Variants in ELMO1 observed in about 807,000 individuals in gnomAD.
ELMO1 encodes engulfment and cell motility protein 1.
A neutral mutation model predicts 98.9 loss-of-function variants in ELMO1; 26 were observed. The observed-to-expected ratio is 0.26, with a 90% CI of 0.19 to 0.36. The LOEUF is 0.36. ELMO1 is among the 10% of genes least tolerant of loss of function. The pLI is 1.00. For missense variants in ELMO1, 627 were observed against 935.2 expected, an observed-to-expected ratio of 0.67 and a Z score of 4.30; for synonymous variants, 346 against 346.0, an observed-to-expected ratio of 1.00 and a Z score of 0.00.
At chr7:36,945,029 C>T (rs1219687593) in intron 16 of ELMO1, among the ~76,000 whole-genome samples, 1 of 152,176 alleles carries the variant, frequency 6.6e-6, no homozygotes, top group Non-Finnish European at 1.5e-5. Context: ...CTCACGGCAG[C>T]TTTGCTCTAC....
chr7:36,990,643 T>G (rs1171430388), intron 16 of ELMO1, among the ~76,000 whole-genome samples: 1 of 152,132 alleles, frequency 6.6e-6, no homozygotes, highest in Non-Finnish European at 1.5e-5. Context: ...TATCCCATAT[T>G]GTCTTGGGGC....
At chr7:37,397,343 T>C (rs952238072) in intron 1 of ELMO1, among the ~76,000 whole-genome samples, 2 of 152,248 alleles carry the variant, frequency 1.3e-5, no homozygotes, top group Non-Finnish European at 2.9e-5. Context: ...CTCAAAGGTT[T>C]GACAGAAAAT....
intron 16 of ELMO1, among the ~76,000 whole-genome samples, chr7:36,914,008 C>T (rs903296264): frequency 3.3e-5 from 5 of 152,182 alleles, no homozygotes; most frequent in Middle Eastern, 3.2e-3. Context: ...TGCACATGCA[C>T]GTTTTTCTAC....
intron 1 of ELMO1, among the ~76,000 whole-genome samples, chr7:37,407,619 C>A (rs1035637963): frequency 1.3e-5 from 2 of 151,786 alleles, no homozygotes; most frequent in Middle Eastern, 3.2e-3. Flanking sequence ...CTGGAAAAGG[C>A]AAAACTATAG....
chr7:37,104,470 T>C (rs944631055), intron 14 of ELMO1, among the ~76,000 whole-genome samples: 8 of 152,194 alleles, frequency 5.3e-5, no homozygotes, highest in African/African-American at 1.9e-4. Flanking sequence ...TGAAGTTTTC[T>C]GAGACAATGA....
At chr7:37,233,735 G>A (rs1230544205) in intron 7 of ELMO1, among the ~76,000 whole-genome samples, 1 of 151,982 alleles carries the variant, frequency 6.6e-6, no homozygotes, top group African/African-American at 2.4e-5. Flanking sequence ...TTTTTTAAGT[G>A]GTCTATACAT....
intron 15 of ELMO1, among the ~76,000 whole-genome samples, chr7:37,077,199 A>G (rs1797629249): frequency 6.6e-6 from 1 of 152,226 alleles, no homozygotes; most frequent in Non-Finnish European, 1.5e-5. Context: ...GCTGCAAAGA[A>G]AGATATGCAA....
intron 1 of ELMO1, among the ~76,000 whole-genome samples, chr7:37,397,737 C>A (rs979690047): frequency 6.6e-6 from 1 of 152,208 alleles, no homozygotes; most frequent in Non-Finnish European, 1.5e-5. Context: ...ATAGCAAAGA[C>A]ATGGAACCAA....
intron 4 of ELMO1, among the ~76,000 whole-genome samples, chr7:37,301,212 A>G (rs1387322197): frequency 6.6e-6 from 1 of 152,118 alleles, no homozygotes; most frequent in African/African-American, 2.4e-5. Flanking sequence ...ATGGAGCAAA[A>G]TAAGAATGAA....
intron 16 of ELMO1, among the ~76,000 whole-genome samples, chr7:36,971,758 C>T (rs987017087): frequency 3.3e-5 from 5 of 152,136 alleles, no homozygotes; most frequent in African/African-American, 9.7e-5. Context: ...TCCATAATCT[C>T]GAGTGACTGA....
At chr7:37,034,089 G>A (rs1333185659) in intron 15 of ELMO1, among the ~76,000 whole-genome samples, 1 of 152,170 alleles carries the variant, frequency 6.6e-6, no homozygotes, top group Admixed American at 6.5e-5. Context: ...GGAAAAAAAT[G>A]TGTAATAACA....
chr7:37,001,794 G>A (rs1396718637), intron 16 of ELMO1, among the ~76,000 whole-genome samples: 2 of 152,164 alleles, frequency 1.3e-5, no homozygotes, highest in Non-Finnish European at 2.9e-5. Flanking sequence ...TGAAGATATG[G>A]AGATAAAGCA....
intron 14 of ELMO1, among the ~76,000 whole-genome samples, chr7:37,117,654 G>A (rs972375409): frequency 2.6e-5 from 4 of 152,138 alleles, no homozygotes; most frequent in Non-Finnish European, 4.4e-5. Context: ...CACAATCAAC[G>A]AAATTAATGC....
intron 14 of ELMO1, among the ~76,000 whole-genome samples, chr7:37,102,140 G>T (rs1784680276): frequency 6.6e-6 from 1 of 152,124 alleles, no homozygotes; most frequent in South Asian, 2.1e-4. Context: ...CATATCCCAA[G>T]ACCCAGACCT....
chr7:37,126,318 T>C (rs2541071), intron 14 of ELMO1, among the ~76,000 whole-genome samples: 2 of 119,976 alleles, frequency 1.7e-5, no homozygotes, highest in South Asian at 2.5e-4. Flanking sequence ...TATATATATA[T>C]ATATATATAT....
rs183698681 is a variant in ELMO1 at position 37,304,883 on chromosome 7, A to G, written c.192+9967T>C. ...ATACGTACAGAGAATTCTAACTGCA[A>G]ATAGTTGCATTCAGTTGTTCCTCGG... On this transcript the variant is annotated intron_variant, in intron 4 of 21. Transcript: ENST00000310758. Among the ~76,000 whole-genome samples, 450 of 152,302 alleles carry G rather than the reference A, an allele frequency of 3.0e-3. 3 individuals carry two copies. The highest frequency in any genetic ancestry group is 0.01 in the African/African-American group (428 of 41,580).
chr7:37,326,594 C>T (rs1226004643), intron 2 of ELMO1, among the ~76,000 whole-genome samples: 1 of 151,566 alleles, frequency 6.6e-6, no homozygotes, highest in African/African-American at 2.4e-5. Flanking sequence ...TACTCTGCCA[C>T]CTTTTTCTTG....
chr7:36,874,077 T>G (rs1359529621), intron 19 of ELMO1, among the ~76,000 whole-genome samples: 1 of 152,204 alleles, frequency 6.6e-6, no homozygotes, highest in Non-Finnish European at 1.5e-5. Flanking sequence ...AGATGCGCCT[T>G]TGGAATCAGA....
chr7:37,345,817 A>G (rs865890885), intron 1 of ELMO1, among the ~76,000 whole-genome samples: 5 of 151,210 alleles, frequency 3.3e-5, no homozygotes, highest in African/African-American at 1.2e-4. Context: ...GTGAAACCCC[A>G]TCTCTACTAA....
Sources: gnomAD v4.1 joint callset for allele counts (sites outside exome capture counted in the v4.1 genomes callset) on GRCh38, gnomAD v4.1.1 for gene constraint, MANE v1.5 for transcripts, NCBI Gene and HGNC (gene_info 2026-07-23, HGNC 2026-07-21) for gene names.